LRCH1: variants seen among roughly 807,000 people sequenced by gnomAD.
LRCH1 encodes the protein leucine-rich repeat and calponin homology domain-containing protein 1.
LRCH1 carries 23 observed loss-of-function variants against 94.9 expected under a neutral mutation model. That is an observed-to-expected ratio of 0.24 (90% CI 0.17 to 0.34). LRCH1 has a LOEUF of 0.34. Ranked by LOEUF, LRCH1 falls within the 10% of genes least tolerant of loss-of-function variation. The probability of loss-of-function intolerance (pLI) is 1.00; values close to 1 mark genes in which losing one functional copy is unlikely to be tolerated. For synonymous variants in LRCH1, 364 were observed against 354.9 expected (o/e 1.03, Z -0.29); for missense variants, 790 against 945.9 (o/e 0.84, Z 2.16).
chr13:46,571,739 G>A (rs2050242695), intron 1 of LRCH1, among the ~76,000 whole-genome samples: 1 of 152,176 alleles, frequency 6.6e-6, no homozygotes, highest in African/African-American at 2.4e-5. Context: ...CTTAGCAGTT[G>A]GGTGACTGTA....
At chr13:46,610,850 C>T (rs1446899574) in intron 1 of LRCH1, among the ~76,000 whole-genome samples, 9 of 152,124 alleles carry the variant, frequency 5.9e-5, no homozygotes, top group Non-Finnish European at 1.0e-4. Context: ...TCTGCACCAC[C>T]CACTACACTG....
chr13:46,701,074 ATG>A, intron 10 of LRCH1, 45 bp from the exon 11 acceptor site: 1 of 1,143,684 alleles, frequency 8.7e-7, no homozygotes, highest in Non-Finnish European at 1.3e-6. Flanking sequence ...GATGATATTC[ATG>A]TTGTATTGAT....
chr13:46,590,801 T>C lies in LRCH1; in HGVS notation c.307+37098T>C, dbSNP rs184613273. The stretch of plus-strand genomic sequence containing the variant: ...TCAAATGGTGAATGGATTCACCTTC[T>C]TTCTCTTCCCTAGTTTAGCTACTTT... On this transcript the variant is annotated intron_variant, in intron 1 of 19. Coordinates refer to ENST00000389797, the MANE Select transcript of LRCH1 (RefSeq NM_001164211.2). 3.1e-3 allele frequency among the ~76,000 whole-genome samples: 466 copies of C among 152,392 alleles called. 3 individuals are homozygous for C. The highest frequency in any genetic ancestry group is 0.02 in the South Asian group (96 of 4,830).
chr13:46,573,866 A>T (rs9534431), intron 1 of LRCH1, among the ~76,000 whole-genome samples: 4,468 of 63,474 alleles, frequency 0.07, 386 homozygotes, highest in African/African-American at 0.13. Context: ...ATATATATAT[A>T]TTTTTTTTTT....
chr13:46,668,331 T>C (rs2051548633), intron 2 of LRCH1, among the ~76,000 whole-genome samples: 2 of 151,368 alleles, frequency 1.3e-5, no homozygotes, highest in African/African-American at 4.8e-5. Context: ...AACTTAGACT[T>C]TTTTGGCTGC....
intron 1 of LRCH1, among the ~76,000 whole-genome samples, chr13:46,578,798 T>G (rs1218433515): frequency 6.6e-6 from 1 of 151,846 alleles, no homozygotes; most frequent in East Asian, 1.9e-4. Context: ...GGCCTTCAGA[T>G]GCTTACATTG....
At chr13:46,606,536 G>A (rs7491248) in intron 1 of LRCH1, among the ~76,000 whole-genome samples, 29,148 of 152,114 alleles carry the variant, frequency 0.19, 3,450 homozygotes, top group East Asian at 0.46. Flanking sequence ...ATGACACAGA[G>A]GGGACAAGTC....
chr13:46,730,503 C>A (rs1490579453), intron 18 of LRCH1, among the ~76,000 whole-genome samples: 1 of 152,160 alleles, frequency 6.6e-6, no homozygotes, highest in Non-Finnish European at 1.5e-5. Flanking sequence ...TTTCTTTTCT[C>A]TTGACAGCAG....
In LRCH1 at chr13:46,723,322, C is replaced by T. The variant is rs1293348550; in HGVS notation, c.1861C>T (p.Leu621Phe). Residue 621 changes from leucine to phenylalanine, a missense_variant, in exon 17 of 20, where the codon CTT becomes TTT. By Grantham distance (22) the Leu-to-Phe change is conservative. Transcript: ENST00000389797. The stretch of plus-strand genomic sequence containing the variant: ...AGAAGAGAAAGAGCTGGTGGAACAA[C>T]TTCGTGAGGTACCCAAGAAATATTA... ...MREEKELVEQLRESIEMRLKV... is the reference protein window; with the variant it reads ...MREEKELVEQFRESIEMRLKV... The T allele has an allele frequency of 6.2e-7, 1 of 1,600,936 alleles. No individual in the cohort carries two copies. Among genetic ancestry groups the T allele is most frequent in the Admixed American group, 1.7e-5 (1 of 59,598 alleles).
At chr13:46,612,750 C>CT (rs2138005832) in intron 1 of LRCH1, among the ~76,000 whole-genome samples, 1 of 152,266 alleles carries the variant, frequency 6.6e-6, no homozygotes, top group African/African-American at 2.4e-5. Context: ...TTGTGCATGT[C>CT]TTGCTGGCTA....
Position 46,553,885 on chromosome 13 carries a change from C to T in LRCH1, c.307+182C>T, listed in dbSNP as rs535263099. ...GAAGAAGCGGGCCCTGGAGAGGGCA[C>T]GGGGGCCCTGCCTGGTCCGGCGATG... On this transcript the variant is annotated intron_variant, in intron 1 of 19. Transcript: ENST00000389797. Among the ~76,000 whole-genome samples, 112 of 152,284 alleles carry T rather than the reference C, an allele frequency of 7.4e-4. No individual in the cohort carries two copies. In the East Asian group the frequency reaches 0.013, roughly 18 times the overall value.
intron 2 of LRCH1, among the ~76,000 whole-genome samples, chr13:46,659,413 G>A (rs113632526): frequency 2.6e-4 from 40 of 152,094 alleles, no homozygotes; most frequent in African/African-American, 9.2e-4. Flanking sequence ...GGCTGGTCTC[G>A]AATTCCTGAC....
At chr13:46,713,318 AC>A (rs1450440665) in intron 15 of LRCH1, among the ~76,000 whole-genome samples, 1 of 152,212 alleles carries the variant, frequency 6.6e-6, no homozygotes, top group Non-Finnish European at 1.5e-5. Flanking sequence ...TATTTAGTCT[AC>A]ACTTACTACT....
chr13:46,593,625 C>T (rs1417062456), intron 1 of LRCH1, among the ~76,000 whole-genome samples: 1 of 152,036 alleles, frequency 6.6e-6, no homozygotes, highest in African/African-American at 2.4e-5. Flanking sequence ...CCTAGTTAAC[C>T]GTGGGCAGGT....
At chr13:46,687,023 A>G (rs1870654633) in intron 5 of LRCH1, among the ~76,000 whole-genome samples, 1 of 121,030 alleles carries the variant, frequency 8.3e-6, no homozygotes, top group Non-Finnish European at 1.6e-5. Flanking sequence ...CAGAGGTGTG[A>G]TCTTGGCTTA....
At chr13:46,722,437 G>T (rs1298983409) in intron 16 of LRCH1, among the ~76,000 whole-genome samples, 2 of 152,206 alleles carry the variant, frequency 1.3e-5, no homozygotes, top group Non-Finnish European at 2.9e-5. Flanking sequence ...TCTTGCTGTA[G>T]TCATTCTCCG....
At chr13:46,593,166 T>G (rs1293858823) in intron 1 of LRCH1, among the ~76,000 whole-genome samples, 4 of 152,036 alleles carry the variant, frequency 2.6e-5, no homozygotes, top group Non-Finnish European at 2.9e-5. Context: ...TTAAGTGATG[T>G]TCAGTACTTC....
chr13:46,593,784 T>C (rs967155279), intron 1 of LRCH1, among the ~76,000 whole-genome samples: 4 of 152,190 alleles, frequency 2.6e-5, no homozygotes, highest in Non-Finnish European at 5.9e-5. Context: ...GTCAGTTTCT[T>C]CTGCTTTTCT....
intron 10 of LRCH1, among the ~76,000 whole-genome samples, chr13:46,699,937 C>G (rs1871378705): frequency 6.6e-6 from 1 of 152,192 alleles, no homozygotes; most frequent in South Asian, 2.1e-4. Flanking sequence ...CTGTTCTTGT[C>G]CCGCATTTCA....
Sources: gnomAD v4.1 joint callset for allele counts (sites outside exome capture counted in the v4.1 genomes callset) on GRCh38, gnomAD v4.1.1 for gene constraint, MANE v1.5 for transcripts, NCBI Gene and HGNC (gene_info 2026-07-23, HGNC 2026-07-21) for gene names.